The following DIP2C variants were observed in gnomAD, a reference collection of about 807,000 sequenced individuals.
DIP2C encodes the protein DIP2 acetate--CoA ligase C (putative), also known as disco-interacting protein 2 homolog C.
A neutral mutation model predicts 192.4 loss-of-function variants in DIP2C; 33 were observed. The ratio of observed to expected loss-of-function variants is 0.17; its 90% CI spans 0.13 to 0.23. The LOEUF (loss-of-function observed/expected upper bound fraction) is 0.23, where lower values mean the gene tolerates loss of function less well. Ranked by LOEUF, DIP2C falls within the 10% of genes least tolerant of loss-of-function variation. The pLI is 1.00. For missense variants in DIP2C, 1,537 were observed against 2,110.1 expected (o/e 0.73, Z 5.32); for synonymous variants, 979 against 864.1 (o/e 1.13, Z -2.33).
At chr10:535,893 T>C (rs1165211416) in intron 1 of DIP2C, among the ~76,000 whole-genome samples, 4 of 152,344 alleles carry the variant, frequency 2.6e-5, no homozygotes, top group African/African-American at 7.2e-5. Context: ...CATATACACA[T>C]ACTTATATGT....
intron 17 of DIP2C, among the ~76,000 whole-genome samples, chr10:378,368 AAC>A (rs1365779990): frequency 1.3e-5 from 2 of 152,348 alleles, no homozygotes; most frequent in South Asian, 4.2e-4. Context: ...CACACACATC[AAC>A]ACAAACACGA....
intron 17 of DIP2C, among the ~76,000 whole-genome samples, chr10:378,564 C>T (rs1961930079): frequency 6.7e-6 from 1 of 148,576 alleles, no homozygotes; most frequent in South Asian, 2.2e-4. Context: ...CACGTGAACA[C>T]AAACATGCAG....
chr10:627,072 T>A (rs1307798288), intron 1 of DIP2C, among the ~76,000 whole-genome samples: 1 of 152,226 alleles, frequency 6.6e-6, no homozygotes, highest in East Asian at 1.9e-4. Flanking sequence ...CGTACCAGGA[T>A]TTCGCTCGGC....
At chr10:599,495 T>C (rs1392162813) in intron 1 of DIP2C, among the ~76,000 whole-genome samples, 2 of 152,210 alleles carry the variant, frequency 1.3e-5, no homozygotes, top group African/African-American at 2.4e-5. Flanking sequence ...ATGTCACCAC[T>C]TCCCAGTCGA....
At chr10:541,684 G>C (rs573704984) in intron 1 of DIP2C, among the ~76,000 whole-genome samples, 2 of 118,890 alleles carry the variant, frequency 1.7e-5, no homozygotes, top group African/African-American at 3.3e-5. Context: ...AACCCCAAGA[G>C]TGACCCTCCA....
At chr10:453,146 A>T (rs1227385630) in intron 3 of DIP2C, among the ~76,000 whole-genome samples, 1 of 152,260 alleles carries the variant, frequency 6.6e-6, no homozygotes, top group Admixed American at 6.5e-5. Context: ...CCTTTTCATA[A>T]AATGAGCTGA....
intron 1 of DIP2C, among the ~76,000 whole-genome samples, chr10:509,256 C>T (rs185534488): frequency 1.8e-4 from 27 of 152,280 alleles, no homozygotes; most frequent in Admixed American, 1.3e-3. Flanking sequence ...CCGTCCTAAC[C>T]GCGCCAGGTA....
intron 1 of DIP2C, among the ~76,000 whole-genome samples, chr10:529,998 C>T (rs150864755): frequency 2.6e-5 from 4 of 152,362 alleles, no homozygotes; most frequent in South Asian, 2.1e-4. Flanking sequence ...TCTGCCTGGA[C>T]GTCCACCTTG....
intron 17 of DIP2C, among the ~76,000 whole-genome samples, chr10:378,848 TAG>T (rs1273503152): frequency 1.3e-5 from 2 of 150,502 alleles, no homozygotes; most frequent in Non-Finnish European, 3.0e-5. Context: ...CAGACATGCA[TAG>T]ACACATGTGA....
At chr10:417,051 A>C (rs561299216) in intron 6 of DIP2C, among the ~76,000 whole-genome samples, 7 of 152,372 alleles carry the variant, frequency 4.6e-5, no homozygotes, top group African/African-American at 9.6e-5. Context: ...AATATTTCAT[A>C]TCTCTGAAAA....
intron 1 of DIP2C, among the ~76,000 whole-genome samples, chr10:579,732 CAT>C (rs1850466145): frequency 6.6e-6 from 1 of 152,102 alleles, no homozygotes; most frequent in East Asian, 1.9e-4. Context: ...ATCAATACAG[CAT>C]ACATAGGTAC....
At chr10:414,760 GTGTATATATATAA>G (rs1965484894) in intron 7 of DIP2C, among the ~76,000 whole-genome samples, 4 of 49,978 alleles carry the variant, frequency 8.0e-5, no homozygotes, top group Non-Finnish European at 7.9e-5. Context: ...TATATATAAT[GTGTATATATATAA>G]TGTGTATATA....
intron 4 of DIP2C, among the ~76,000 whole-genome samples, chr10:428,629 C>T (rs1017934765): frequency 6.6e-6 from 1 of 152,006 alleles, no homozygotes; most frequent in Non-Finnish European, 1.5e-5. Context: ...TCTTTTTATA[C>T]TTGTTCTGCT....
intron 32 of DIP2C, among the ~76,000 whole-genome samples, chr10:293,910 C>G (rs1016276781): frequency 3.3e-5 from 5 of 152,220 alleles, no homozygotes; most frequent in Admixed American, 2.6e-4. Context: ...GGAAGAAGAT[C>G]TGGATCAGGG....
At chr10:436,177 G>A (rs548840270) in intron 4 of DIP2C, among the ~76,000 whole-genome samples, 1 of 152,224 alleles carries the variant, frequency 6.6e-6, no homozygotes, top group Admixed American at 6.5e-5. Context: ...TCTTGCATGT[G>A]TGTCCACATT....
chr10:291,673 T>C (rs11592526), intron 32 of DIP2C, among the ~76,000 whole-genome samples: 2,187 of 152,302 alleles, frequency 0.014, 33 homozygotes, highest in Non-Finnish European at 0.024. Flanking sequence ...CGGGTCAAAG[T>C]GTGCTGCTCG....
At chr10:417,957 C>A (rs1486163246) in intron 6 of DIP2C, among the ~76,000 whole-genome samples, 2 of 91,698 alleles carry the variant, frequency 2.2e-5, no homozygotes. Flanking sequence ...TCCCTGTCCA[C>A]CTGCACCTGT....
intron 1 of DIP2C, among the ~76,000 whole-genome samples, chr10:640,223 G>A (rs1564294517): frequency 6.6e-6 from 1 of 152,274 alleles, no homozygotes; most frequent in Admixed American, 6.5e-5. Flanking sequence ...CGGGGCTCCC[G>A]GTGCAGGACA....
At chr10:508,091 T>TG (rs1039527635) in intron 1 of DIP2C, among the ~76,000 whole-genome samples, 3 of 151,976 alleles carry the variant, frequency 2.0e-5, no homozygotes, top group African/African-American at 7.2e-5. Context: ...CCAGCACCTC[T>TG]GCTCAGCCAC....
Sources: gnomAD v4.1 joint callset for allele counts (sites outside exome capture counted in the v4.1 genomes callset) on GRCh38, gnomAD v4.1.1 for gene constraint, MANE v1.5 for transcripts, NCBI Gene and HGNC (gene_info 2026-07-23, HGNC 2026-07-21) for gene names.